ADAMTS2: variants seen among roughly 807,000 people sequenced by gnomAD.
The protein encoded by ADAMTS2 is A disintegrin and metalloproteinase with thrombospondin motifs 2.
A neutral mutation model predicts 123.0 loss-of-function variants in ADAMTS2; 50 were observed. The observed-to-expected ratio is 0.41, with a 90% CI of 0.32 to 0.51. The LOEUF (loss-of-function observed/expected upper bound fraction) is 0.51. Ranked by LOEUF, ADAMTS2 falls within the 20% of genes least tolerant of loss-of-function variation. ADAMTS2 has a pLI of 0.35. For missense variants in ADAMTS2, 1,494 were observed against 1,705.2 expected, an observed-to-expected ratio of 0.88 and a Z score of 2.18; for synonymous variants, 678 against 695.4, an observed-to-expected ratio of 0.98 and a Z score of 0.39.
intron 5 of ADAMTS2, among the ~76,000 whole-genome samples, chr5:179,172,784 T>C (rs566463240): frequency 2.0e-5 from 3 of 152,352 alleles, no homozygotes; most frequent in African/African-American, 7.2e-5. Flanking sequence ...ACCGGAGACC[T>C]TTCTCCAGAG....
At position 179,138,651 on chromosome 5, in the gene ADAMTS2, T is replaced by C. The variant is rs150465330; in HGVS notation, c.1776-707A>G. ...GGCCACGGGGCTCCCTGTCTGCTTC[T>C]GGCCGGGAGGGCAGCCTGGAGCCTG... is the stretch of plus-strand genomic sequence containing the variant. On this transcript the variant is annotated intron_variant, in intron 11 of 21. Coordinates refer to ENST00000251582, the MANE Select transcript of ADAMTS2 (RefSeq NM_014244.5). 2.1e-3 allele frequency among the ~76,000 whole-genome samples: 318 copies of C among 152,334 alleles called. 10 individuals are homozygous for C. The East Asian group carries it at 0.043, about 21-fold the overall frequency.
intron 2 of ADAMTS2, among the ~76,000 whole-genome samples, chr5:179,318,965 T>G (rs1487124904): frequency 6.6e-6 from 1 of 152,226 alleles, no homozygotes; most frequent in Non-Finnish European, 1.5e-5. Flanking sequence ...GGAACACAGC[T>G]GCACGCTATT....
intron 3 of ADAMTS2, among the ~76,000 whole-genome samples, chr5:179,209,201 G>A (rs337807): frequency 0.19 from 28,467 of 152,172 alleles, 3,068 homozygotes; most frequent in East Asian, 0.38. Context: ...CTCGGTGGAC[G>A]TGGCCATTTC....
chr5:179,153,698 C>G (rs1763412041), intron 8 of ADAMTS2, 75 bp from the exon 9 acceptor site: 2 of 1,528,370 alleles, frequency 1.3e-6, no homozygotes, highest in Admixed American at 1.9e-5. Context: ...CAGCTGAGGC[C>G]CCTGCTGGAG....
chr5:179,163,070 C>T (rs1763628350), intron 5 of ADAMTS2, among the ~76,000 whole-genome samples: 1 of 152,102 alleles, frequency 6.6e-6, no homozygotes, highest in Non-Finnish European at 1.5e-5. Context: ...AGGAATGAGG[C>T]TAGTGTGTAG....
At chr5:179,235,098 G>C (rs373943508) in intron 3 of ADAMTS2, among the ~76,000 whole-genome samples, 2 of 152,192 alleles carry the variant, frequency 1.3e-5, no homozygotes, top group Admixed American at 6.5e-5. Context: ...CTCCCAGCTC[G>C]TTAGGCCCGC....
At position 179,234,300 on chromosome 5, in the gene ADAMTS2, T is replaced by A. The variant is rs935825965; in HGVS notation, c.689-26585A>T. Among the ~76,000 whole-genome samples, 2 of 152,084 alleles carry A rather than the reference T, an allele frequency of 1.3e-5. No homozygotes were observed. Among genetic ancestry groups the A allele is most frequent in the African/African-American group, 4.8e-5 (2 of 41,400 alleles). On this transcript the variant is annotated intron_variant, in intron 3 of 21. Coordinates refer to ENST00000251582, the MANE Select transcript of ADAMTS2 (RefSeq NM_014244.5). The surrounding 1 kb of genome is among the most constrained non-coding windows in gnomAD (Gnocchi z 4.7). ...AGGTGGGCAGTCCTCAGGTGACTTC[T>A]CCAGCTCTGCATGGAGAAGGCCTCA...
At chr5:179,284,576 G>T (rs572527758) in intron 2 of ADAMTS2, among the ~76,000 whole-genome samples, 3 of 151,884 alleles carry the variant, frequency 2.0e-5, no homozygotes, top group African/African-American at 7.2e-5. Context: ...TAGTAGAGAC[G>T]GGGTTTCGCC....
chr5:179,275,233 T>A (rs1463995057), intron 2 of ADAMTS2, among the ~76,000 whole-genome samples: 2 of 151,536 alleles, frequency 1.3e-5, no homozygotes, highest in Non-Finnish European at 2.9e-5. Context: ...GGGGAGAAGG[T>A]GTTACAGGCA....
At chr5:179,221,719 GC>G (rs972582340) in intron 3 of ADAMTS2, among the ~76,000 whole-genome samples, 1 of 152,028 alleles carries the variant, frequency 6.6e-6, no homozygotes. Context: ...CCAGAGAAGA[GC>G]CCCCCGCAGA....
chr5:179,221,284 C>A (rs1207846103), intron 3 of ADAMTS2, among the ~76,000 whole-genome samples: 2 of 152,176 alleles, frequency 1.3e-5, no homozygotes, highest in East Asian at 3.9e-4. Flanking sequence ...GGCACCCCTG[C>A]GTGACCCCAG....
intron 5 of ADAMTS2, among the ~76,000 whole-genome samples, chr5:179,171,843 G>C (rs150200370): frequency 2.0e-5 from 3 of 152,160 alleles, no homozygotes; most frequent in Non-Finnish European, 4.4e-5. Flanking sequence ...CTGAATTCCC[G>C]GGGTCTGACA....
chr5:179,260,130 G>A lies in ADAMTS2; in HGVS notation c.688+12781C>T, dbSNP rs1766177573. On this transcript the variant is annotated intron_variant, in intron 3 of 21. Transcript: ENST00000251582. The surrounding 1 kb of genome is among the most constrained non-coding windows in gnomAD (Gnocchi z 4.2). Reference sequence around the variant, plus strand: ...GCCCAGGGCCACCCAATGTCCCATGGGCCCATGGGACCAGTAGCCACCCAC... The same window carrying A: ...GCCCAGGGCCACCCAATGTCCCATGAGCCCATGGGACCAGTAGCCACCCAC... Among the ~76,000 whole-genome samples the A allele has an allele frequency of 1.3e-5, 2 of 152,170 alleles. No individual in the cohort carries two copies. Among genetic ancestry groups the A allele is most frequent in the Middle Eastern group, 3.4e-3 (1 of 294 alleles).
At chr5:179,171,631 C>A (rs1023187319) in intron 5 of ADAMTS2, among the ~76,000 whole-genome samples, 1 of 152,166 alleles carries the variant, frequency 6.6e-6, no homozygotes, top group African/African-American at 2.4e-5. Flanking sequence ...TGGGCACTGG[C>A]GTCCCCTACC....
At position 179,139,929 on chromosome 5, in the gene ADAMTS2, G is replaced by T; in HGVS notation, c.1736C>A (p.Thr579Lys). 4 of 1,612,364 alleles carry T rather than the reference G, an allele frequency of 2.5e-6. No homozygotes were observed. Among genetic ancestry groups the T allele is most frequent in the Non-Finnish European group, 3.4e-6 (4 of 1,179,988 alleles). ...PFGSCSRTCGTGVKFRTRQCD... is the reference protein window; with the variant it reads ...PFGSCSRTCGKGVKFRTRQCD... Reference sequence around the variant, plus strand: ...CTGGCGGGTCCTGAACTTCACGCCCGTGCCACAGGTACGTGAGCAGGAGCC... The same window carrying T: ...CTGGCGGGTCCTGAACTTCACGCCCTTGCCACAGGTACGTGAGCAGGAGCC... Residue 579 changes from threonine (T) to lysine (K), a missense_variant, in exon 11 of 22, where the codon ACG becomes AAG. By Grantham distance (78) the Thr-to-Lys change is moderately conservative. Transcript: ENST00000251582.
intron 10 of ADAMTS2, among the ~76,000 whole-genome samples, chr5:179,150,121 AGCTCCT>A (rs773603949): frequency 6.9e-5 from 7 of 100,794 alleles, no homozygotes; most frequent in South Asian, 2.9e-4. Flanking sequence ...GGGCCCCACC[AGCTCCT>A]GCTCCTGCTC....
rs1554128903 is a variant in ADAMTS2 at position 179,189,510 on chromosome 5, G to GCTTTTTTTTTTTTTTTTTTTTTTTTTTT, written c.892-8356_892-8355insAAAAAAAAAAAAAAAAAAAAAAAAAAAG. Among the ~76,000 whole-genome samples, 1 of 78,948 alleles carries GCTTTTTTTTTTTTTTTTTTTTTTTTTTT rather than the reference G, an allele frequency of 1.3e-5. No homozygotes were observed. 51.8% of individuals were successfully genotyped at this position (78,948 alleles called of 152,430 possible). ...CTACAGGCGCCCGCCAGTGCGCCTG[G>GCTTTTTTTTTTTTTTTTTTTTTTTTTTT]TTTTTTTTTTTTTTTTTTTTTTTTT... is the stretch of plus-strand genomic sequence containing the variant. On this transcript the variant is annotated intron_variant, in intron 4 of 21. Coordinates refer to ENST00000251582, the MANE Select transcript of ADAMTS2 (RefSeq NM_014244.5). The surrounding 1 kb of genome is among the most constrained non-coding windows in gnomAD (Gnocchi z 4.2).
chr5:179,229,343 G>A (rs548762740), intron 3 of ADAMTS2, among the ~76,000 whole-genome samples: 14 of 105,238 alleles, frequency 1.3e-4, no homozygotes, highest in Non-Finnish European at 6.1e-5. Context: ...ATGAGACCCC[G>A]CTGCCCACTC....
intron 3 of ADAMTS2, among the ~76,000 whole-genome samples, chr5:179,232,439 G>A (rs1056009783): frequency 3.3e-5 from 5 of 152,212 alleles, no homozygotes; most frequent in African/African-American, 1.2e-4. Flanking sequence ...TGGGGAAACT[G>A]AGAAAGGCTA....
Sources: gnomAD v4.1 joint callset for allele counts (sites outside exome capture counted in the v4.1 genomes callset) on GRCh38, gnomAD v4.1.1 for gene constraint, Gnocchi (gnomAD v3.1) non-coding constraint, MANE v1.5 for transcripts, NCBI Gene and HGNC (gene_info 2026-07-23, HGNC 2026-07-21) for gene names.